Variants in EXOC2 observed in about 807,000 individuals in gnomAD.
EXOC2 encodes SEC5-like 1.
In EXOC2, 70 loss-of-function variants were observed where a neutral mutation model predicts 131.8. The ratio of observed to expected loss-of-function variants is 0.53; its 90% confidence interval spans 0.44 to 0.65. EXOC2 has a LOEUF of 0.65. Ranked by LOEUF, EXOC2 falls within the 30% of genes least tolerant of loss-of-function variation. EXOC2 has a pLI of 0.00. For synonymous variants in EXOC2, 411 were observed against 398.4 expected (o/e 1.03, Z -0.38); for missense variants, 923 against 1,108.6 (o/e 0.83, Z 2.38).
intron 22 of EXOC2, among the ~76,000 whole-genome samples, chr6:543,510 A>G (rs1756672528): frequency 6.6e-6 from 1 of 152,220 alleles, no homozygotes; most frequent in Non-Finnish European, 1.5e-5. Context: ...ATGGCATGGT[A>G]ACCACAGTTA....
intron 26 of EXOC2, among the ~76,000 whole-genome samples, chr6:489,309 A>G (rs1763284882): frequency 6.6e-6 from 1 of 152,240 alleles, no homozygotes; most frequent in Non-Finnish European, 1.5e-5. Context: ...CTTCGAAAGG[A>G]TGCTAGTGAT....
In EXOC2 at chr6:486,540, G is replaced by A. The variant is rs111533273; in HGVS notation, c.*131C>T. On this transcript the variant is annotated 3_prime_UTR_variant, in exon 28 of 28. Transcript: ENST00000230449. ...GTTGAAATGTATACCAACAATTTTCGAAGTCAGAGGAAGAAAAAAGAGAAA... is the reference window on the plus strand; with the variant it reads ...GTTGAAATGTATACCAACAATTTTCAAAGTCAGAGGAAGAAAAAAGAGAAA... The A allele has an allele frequency of 4.2e-4, 313 of 745,072 alleles. No homozygotes were observed. Among genetic ancestry groups the A allele is most frequent in the Non-Finnish European group, 5.4e-4 (247 of 453,426 alleles). 46.2% of individuals were successfully genotyped at this position (745,072 alleles called of 1,614,324 possible). A position where few individuals can be genotyped will look rare whatever the true frequency, so the allele number is the denominator to read the frequency against.
chr6:621,796 C>CT (rs1234782048), intron 4 of EXOC2, among the ~76,000 whole-genome samples: 2 of 152,166 alleles, frequency 1.3e-5, no homozygotes, highest in East Asian at 1.9e-4. Flanking sequence ...AGGTGGAGAA[C>CT]TTTGAGTTTT....
chr6:554,215 T>C (rs1379054842), intron 20 of EXOC2, among the ~76,000 whole-genome samples: 2 of 152,124 alleles, frequency 1.3e-5, no homozygotes, highest in Non-Finnish European at 1.5e-5. Context: ...CTAATTTTTA[T>C]ATTTTTAGTA....
chr6:604,836 G>A (rs1049144722), intron 7 of EXOC2, among the ~76,000 whole-genome samples: 15 of 151,316 alleles, frequency 9.9e-5, no homozygotes, highest in African/African-American at 1.7e-4. Context: ...GCCGCCCACC[G>A]CCGGCCTCTG....
chr6:541,900 A>G (rs1756571544), intron 22 of EXOC2, among the ~76,000 whole-genome samples: 1 of 152,264 alleles, frequency 6.6e-6, no homozygotes. Context: ...AAACTCTTTC[A>G]AAGAAGAAAA....
chr6:637,955 A>G, intron 1 of EXOC2, 94 bp from the exon 2 acceptor site: 1 of 814,048 alleles, frequency 1.2e-6, no homozygotes, highest in Non-Finnish European at 2.0e-6. Context: ...CAAAATATAA[A>G]AAGTATTCTT....
At chr6:635,680 T>G (rs1762065378) in intron 2 of EXOC2, among the ~76,000 whole-genome samples, 1 of 151,052 alleles carries the variant, frequency 6.6e-6, no homozygotes, top group Non-Finnish European at 1.5e-5. Context: ...AACACTTAAA[T>G]TATTTAGCAG....
intron 4 of EXOC2, among the ~76,000 whole-genome samples, chr6:628,107 C>G (rs892546273): frequency 6.6e-6 from 1 of 152,186 alleles, no homozygotes; most frequent in African/African-American, 2.4e-5. Context: ...TGTTTACCTC[C>G]TCACTTCCTG....
At chr6:596,940 TACTG>T (rs781698995) in intron 10 of EXOC2, among the ~76,000 whole-genome samples, 9 of 152,340 alleles carry the variant, frequency 5.9e-5, no homozygotes, top group Admixed American at 1.3e-4. Context: ...ACATAAAATT[TACTG>T]ACTACTTTTT....
intron 1 of EXOC2, among the ~76,000 whole-genome samples, chr6:668,513 A>G (rs114129790): frequency 0.015 from 2,299 of 152,258 alleles, 22 homozygotes; most frequent in Middle Eastern, 0.075. Flanking sequence ...TTAGCCAACT[A>G]ACTTCCACCA....
chr6:610,402 T>G (rs915406619), intron 6 of EXOC2, among the ~76,000 whole-genome samples: 2 of 152,182 alleles, frequency 1.3e-5, no homozygotes, highest in Non-Finnish European at 2.9e-5. Context: ...ATCATCTGTC[T>G]TCAAGAACAA....
At position 549,283 on chromosome 6, in the gene EXOC2, G is replaced by A. The variant is rs771484313; in HGVS notation, c.2130C>T (p.Arg710=). ...AGCAATTACTTAGGACTATCAAAAG[G>A]CGCTGTTCCTAAAAGCAAAACAAAT... ...HEDFSLTSEQ[R]LLIVLSNCCY... Residue 710 remains arginine, a synonymous_variant, in exon 22 of 28, where the codon CGC becomes CGT. Transcript: ENST00000230449. The A allele has an allele frequency of 1.1e-5, 18 of 1,613,050 alleles. No homozygotes were observed. In the East Asian group the frequency reaches 3.8e-4, roughly 34 times the overall value.
chr6:488,267 A>G (rs1763204373), intron 27 of EXOC2, among the ~76,000 whole-genome samples: 2 of 152,198 alleles, frequency 1.3e-5, no homozygotes, highest in African/African-American at 4.8e-5. Context: ...TCACGGTGCC[A>G]GCATTTCAGT....
chr6:628,916 C>T (rs1007693725), intron 4 of EXOC2, among the ~76,000 whole-genome samples: 7 of 152,164 alleles, frequency 4.6e-5, no homozygotes, highest in Admixed American at 3.9e-4. Context: ...AAGATGTTAC[C>T]TAGAACAGTC....
chr6:572,244 C>CT (rs1251342053), intron 13 of EXOC2, among the ~76,000 whole-genome samples: 10 of 152,268 alleles, frequency 6.6e-5, no homozygotes, highest in African/African-American at 2.4e-4. Context: ...TTCGAGCTTT[C>CT]TTTTTTCTTT....
chr6:570,413 A>G (rs999632552), intron 13 of EXOC2, among the ~76,000 whole-genome samples: 2 of 152,182 alleles, frequency 1.3e-5, no homozygotes, highest in Non-Finnish European at 2.9e-5. Context: ...GATTATAGGC[A>G]TGAGCCACCG....
chr6:644,119 A>G (rs1328668961), intron 1 of EXOC2, among the ~76,000 whole-genome samples: 1 of 152,158 alleles, frequency 6.6e-6, no homozygotes, highest in East Asian at 1.9e-4. Flanking sequence ...TCAAGCCTAT[A>G]TGAATTATTT....
chr6:568,993 G>A (rs950304381), intron 13 of EXOC2, among the ~76,000 whole-genome samples: 3 of 152,094 alleles, frequency 2.0e-5, no homozygotes, highest in African/African-American at 4.8e-5. Flanking sequence ...GGGGCAGACC[G>A]CTTTCAGTTG....
Sources: gnomAD v4.1 joint callset for allele counts (sites outside exome capture counted in the v4.1 genomes callset) on GRCh38, gnomAD v4.1.1 for gene constraint, MANE v1.5 for transcripts, NCBI Gene and HGNC (gene_info 2026-07-23, HGNC 2026-07-21) for gene names.